GSK3B: variants seen among roughly 807,000 people sequenced by gnomAD.
GSK3B encodes glycogen synthase kinase-3 beta.
A neutral mutation model predicts 56.4 loss-of-function variants in GSK3B; 15 were observed. The observed-to-expected ratio is 0.27, with a 90% CI of 0.18 to 0.41. The LOEUF is 0.41. GSK3B is among the 10% of genes least tolerant of loss of function. The pLI is 1.00. For synonymous variants in GSK3B, 181 were observed against 188.9 expected, an observed-to-expected ratio of 0.96 and a Z score of 0.34; for missense variants, 300 against 513.4, an observed-to-expected ratio of 0.58 and a Z score of 4.02.
intron 1 of GSK3B, among the ~76,000 whole-genome samples, chr3:120,018,348 T>C (rs1427950087): frequency 6.6e-6 from 1 of 152,186 alleles, no homozygotes; most frequent in African/African-American, 2.4e-5. Flanking sequence ...GCCAACTTTC[T>C]ACATACGGTG....
At chr3:119,859,759 C>G (rs1215520687) in intron 9 of GSK3B, among the ~76,000 whole-genome samples, 3 of 152,108 alleles carry the variant, frequency 2.0e-5, no homozygotes, top group African/African-American at 7.2e-5. Flanking sequence ...TCCAGATACT[C>G]TTACCCCCCG....
At chr3:120,036,478 C>A (rs938919936) in intron 1 of GSK3B, among the ~76,000 whole-genome samples, 5 of 152,026 alleles carry the variant, frequency 3.3e-5, no homozygotes, top group Admixed American at 1.3e-4. Context: ...TACTAAATGA[C>A]TCAGAGACAA....
At chr3:119,858,013 C>G (rs138265009) in intron 9 of GSK3B, among the ~76,000 whole-genome samples, 14 of 152,302 alleles carry the variant, frequency 9.2e-5, no homozygotes, top group Admixed American at 2.0e-4. Context: ...TAGGTCTCAA[C>G]AGTGGGCTTC....
intron 1 of GSK3B, among the ~76,000 whole-genome samples, chr3:120,052,996 A>G (rs2058162876): frequency 1.3e-5 from 2 of 152,164 alleles, no homozygotes; most frequent in South Asian, 4.1e-4. Flanking sequence ...AAAGCAGTCT[A>G]ACTACAGAGC....
chr3:120,061,793 TGCAATCTCG>T, intron 1 of GSK3B, among the ~76,000 whole-genome samples: 1 of 152,310 alleles, frequency 6.6e-6, no homozygotes, highest in African/African-American at 2.4e-5. Flanking sequence ...AGTGCAATGG[TGCAATCTCG>T]GCTCACCGCA....
chr3:119,987,465 A>G (rs910856369), intron 2 of GSK3B, among the ~76,000 whole-genome samples: 1 of 152,226 alleles, frequency 6.6e-6, no homozygotes, highest in East Asian at 1.9e-4. Flanking sequence ...ACCTACATTA[A>G]AAAGTTAAAA....
chr3:119,867,284 A>C (rs1336717998), intron 8 of GSK3B, among the ~76,000 whole-genome samples: 1 of 152,138 alleles, frequency 6.6e-6, no homozygotes, highest in East Asian at 1.9e-4. Flanking sequence ...TCTCTGCTAA[A>C]AGATGTTTCT....
At chr3:119,937,077 T>G (rs1473916793) in intron 3 of GSK3B, among the ~76,000 whole-genome samples, 1 of 152,096 alleles carries the variant, frequency 6.6e-6, no homozygotes, top group African/African-American at 2.4e-5. Flanking sequence ...AAATTAGTAA[T>G]GAAGGGAAAC....
At position 120,093,500 on chromosome 3, in the gene GSK3B, G is replaced by C; in HGVS notation, c.-66C>G. ...TTTTCTTCCTTTTGTCTTTATGTTGGGGTGTTAGGTTAACGATAAATGCAG... is the reference window on the plus strand; with the variant it reads ...TTTTCTTCCTTTTGTCTTTATGTTGCGGTGTTAGGTTAACGATAAATGCAG... On this transcript the variant is annotated 5_prime_UTR_variant, in exon 1 of 11. Coordinates refer to ENST00000264235, the MANE Select transcript of GSK3B (RefSeq NM_001146156.2). 9.6e-7 allele frequency: 1 copy of C among 1,039,890 alleles called. No homozygotes were observed. Among genetic ancestry groups the C allele is most frequent in the Non-Finnish European group, 1.5e-6 (1 of 661,862 alleles). The allele number at this position is 1,039,890 out of a possible 1,614,324, so 64.4% of individuals were successfully genotyped here. A position where few individuals can be genotyped will look rare whatever the true frequency, so the allele number is the denominator to read the frequency against.
intron 10 of GSK3B, among the ~76,000 whole-genome samples, chr3:119,833,511 G>C (rs1233616997): frequency 2.0e-5 from 3 of 152,002 alleles, no homozygotes; most frequent in African/African-American, 7.3e-5. Context: ...TGACGTTAAA[G>C]ATTAAAATTC....
intron 7 of GSK3B, among the ~76,000 whole-genome samples, chr3:119,885,050 T>C (rs927811765): frequency 3.9e-5 from 6 of 152,006 alleles, no homozygotes; most frequent in African/African-American, 1.4e-4. Flanking sequence ...AGTTAAACTA[T>C]TTTCTTTGCA....
chr3:119,900,118 G>A (rs2056611315), intron 7 of GSK3B, among the ~76,000 whole-genome samples: 1 of 151,860 alleles, frequency 6.6e-6, no homozygotes, highest in Non-Finnish European at 1.5e-5. Flanking sequence ...AAGAAATTAA[G>A]AAAATTTAAT....
chr3:119,982,766 A>C (rs778740613), intron 2 of GSK3B, among the ~76,000 whole-genome samples: 3 of 152,210 alleles, frequency 2.0e-5, no homozygotes, highest in Non-Finnish European at 4.4e-5. Flanking sequence ...GAAGGGAACC[A>C]AGTTGGAAAA....
chr3:120,012,430 G>A (rs1189733129), intron 1 of GSK3B, among the ~76,000 whole-genome samples: 1 of 152,094 alleles, frequency 6.6e-6, no homozygotes, highest in Non-Finnish European at 1.5e-5. Flanking sequence ...ATTGGTCTTC[G>A]AAACCGCCTT....
In GSK3B at chr3:119,963,436, A is replaced by G. The variant is rs1186939114; in HGVS notation, c.283-16085T>C. On this transcript the variant is annotated intron_variant, in intron 2 of 10. Transcript: ENST00000264235. ...GAGGCATCACACTCCTCATTTCAAAATATTTTATAAAACTACAGTAATCAA... is the reference window on the plus strand; with the variant it reads ...GAGGCATCACACTCCTCATTTCAAAGTATTTTATAAAACTACAGTAATCAA... Among the ~76,000 whole-genome samples, 4 of 152,142 alleles carry G rather than the reference A, an allele frequency of 2.6e-5. No homozygotes were observed. The South Asian group carries it at 8.3e-4, about 31-fold the overall frequency.
chr3:119,909,041 G>C (rs1029326666), intron 6 of GSK3B, among the ~76,000 whole-genome samples: 1 of 152,118 alleles, frequency 6.6e-6, no homozygotes, highest in South Asian at 2.1e-4. Flanking sequence ...GTTTTGAGAG[G>C]GGGGGTCTCA....
intron 1 of GSK3B, among the ~76,000 whole-genome samples, chr3:120,083,246 T>C (rs1018873518): frequency 6.6e-6 from 1 of 152,148 alleles, no homozygotes; most frequent in Non-Finnish European, 1.5e-5. Flanking sequence ...TTCCATACAA[T>C]GAAATGTTAT....
chr3:120,078,271 T>C (rs867904820), intron 1 of GSK3B, among the ~76,000 whole-genome samples: 5 of 152,196 alleles, frequency 3.3e-5, no homozygotes, highest in African/African-American at 1.2e-4. Context: ...TAATTAGATA[T>C]AATGTGAAAT....
At chr3:119,995,103 A>G (rs367544648) in intron 2 of GSK3B, among the ~76,000 whole-genome samples, 2 of 151,454 alleles carry the variant, frequency 1.3e-5, no homozygotes, top group South Asian at 2.1e-4. Context: ...AGGCAGGAGG[A>G]TCACTTAAGC....
Sources: gnomAD v4.1 joint callset for allele counts (sites outside exome capture counted in the v4.1 genomes callset) on GRCh38, gnomAD v4.1.1 for gene constraint, MANE v1.5 for transcripts, NCBI Gene and HGNC (gene_info 2026-07-23, HGNC 2026-07-21) for gene names.